ZNF316: variants seen among roughly 807,000 people sequenced by gnomAD.
The protein encoded by ZNF316 is zinc finger protein 316.
ZNF316 carries 23 observed loss-of-function variants against 75.6 expected under a neutral mutation model. That is an observed-to-expected ratio of 0.30 (90% CI 0.22 to 0.43). The LOEUF is 0.43. Ranked by LOEUF, ZNF316 falls within the 20% of genes least tolerant of loss-of-function variation. ZNF316 has a pLI of 1.00. For missense variants in ZNF316, 1,266 were observed against 1,409.4 expected, an observed-to-expected ratio of 0.90 and a Z score of 1.63; for synonymous variants, 827 against 666.2, an observed-to-expected ratio of 1.24 and a Z score of -3.72.
intron 8 of ZNF316, among the ~76,000 whole-genome samples, chr7:6,649,189 G>A (rs1383343689): frequency 1.3e-5 from 2 of 152,152 alleles, no homozygotes; most frequent in Non-Finnish European, 2.9e-5. Flanking sequence ...TTTTATCACT[G>A]AGCCCTTGTG....
At chr7:6,644,426 G>A in intron 7 of ZNF316, 54 bp from the exon 8 acceptor site, 2 of 1,007,090 alleles carry the variant, frequency 2.0e-6, no homozygotes, top group Non-Finnish European at 2.6e-6. Flanking sequence ...CGGGCTGCAG[G>A]GCAGGGGAGG....
rs901949621 is a variant in ZNF316, at chr7:6,653,200, C to T, written c.1604C>T (p.Pro535Leu). 1.6e-6 allele frequency: 2 copies of T among 1,219,740 alleles called. No individual in the cohort carries two copies. The highest frequency in any genetic ancestry group is 3.1e-5 in the African/African-American group (2 of 63,776). 75.6% of individuals were successfully genotyped at this position (1,219,740 alleles called of 1,614,324 possible). A position where few individuals can be genotyped will look rare whatever the true frequency, so the allele number is the denominator to read the frequency against. Residue 535 changes from proline to leucine, a missense_variant, in exon 9 of 9, where the codon CCT (proline) becomes CTT (leucine). Coordinates refer to ENST00000382252, the MANE Select transcript of ZNF316 (RefSeq NM_001278559.2). ...AAAAGPEDTDPGPEGSEVGEA... is the reference protein window; with the variant it reads ...AAAAGPEDTDLGPEGSEVGEA... ...GCCGCGGGGCCCGAGGACACGGACC[C>T]TGGGCCAGAGGGATCTGAAGTTGGC...
intron 2 of ZNF316, 69 bp from the exon 3 acceptor site, chr7:6,638,973 T>C (rs760703908): frequency 6.6e-6 from 1 of 152,238 alleles, no homozygotes. Flanking sequence ...CTGAGGTCCG[T>C]TTTTCAAACC....
Position 6,653,208 on chromosome 7 carries a change from G to A in ZNF316, c.1612G>A (p.Glu538Lys), listed in dbSNP as rs1427312373. The change falls in exon 9 of 9, where the codon GAG (glutamate) becomes AAG (lysine). Residue 538 changes from glutamate to lysine, a missense_variant. Transcript: ENST00000382252. The stretch of plus-strand genomic sequence containing the variant: ...GCCCGAGGACACGGACCCTGGGCCA[G>A]AGGGATCTGAAGTTGGCGAGGCGGA... ...AGPEDTDPGP[E>K]GSEVGEADGE... is the part of the protein sequence containing the mutation. 1.6e-6 allele frequency: 2 copies of A among 1,221,598 alleles called. No individual in the cohort carries two copies. The highest frequency in any genetic ancestry group is 3.2e-5 in the East Asian group (1 of 30,996). 75.7% of individuals were successfully genotyped at this position (1,221,598 alleles called of 1,614,324 possible).
rs1190826662 is a variant in ZNF316, at chr7:6,653,086, G to A, written c.1490G>A (p.Arg497His). 3 of 1,198,314 alleles carry A rather than the reference G, an allele frequency of 2.5e-6. No individual in the cohort carries two copies. Among genetic ancestry groups the A allele is most frequent in the African/African-American group, 1.6e-5 (1 of 62,848 alleles). 74.2% of individuals were successfully genotyped at this position (1,198,314 alleles called of 1,614,324 possible). ...CPDCGQAFRL[R>H]ADFQRHRRGG... ...GACTGCGGCCAGGCCTTCCGCCTGC[G>A]CGCCGACTTCCAGCGCCACCGACGC... Residue 497 changes from arginine (R) to histidine (H), a missense_variant, in exon 9 of 9, where the codon CGC becomes CAC. Around this residue, in one of 3 missense-constraint regions of ZNF316, gnomAD observed 961 missense variants for 990.9 expected, o/e 0.97. Transcript: ENST00000382252.
intron 8 of ZNF316, among the ~76,000 whole-genome samples, chr7:6,645,361 AT>A (rs927654158): frequency 2.0e-5 from 3 of 152,106 alleles, no homozygotes; most frequent in African/African-American, 7.2e-5. Context: ...CAATGGGTAG[AT>A]TTGGAGCACC....
chr7:6,652,817 C>G lies in ZNF316; in HGVS notation c.1221C>G (p.Gly407=), dbSNP rs1473864873. The G allele has an allele frequency of 7.9e-7, 1 of 1,265,282 alleles. No individual in the cohort carries two copies. The highest frequency in any genetic ancestry group is 3.0e-5 in the East Asian group (1 of 33,070). The allele number at this position is 1,265,282 out of a possible 1,614,324, so 78.4% of individuals were successfully genotyped here. ...GEKPFPCPDC[G]KRFVYKSHLV... ...AGCCCTTCCCGTGCCCGGACTGCGGCAAGCGCTTCGTCTACAAGTCGCACC... is the reference window on the plus strand; with the variant it reads ...AGCCCTTCCCGTGCCCGGACTGCGGGAAGCGCTTCGTCTACAAGTCGCACC... Residue 407 remains glycine, a synonymous_variant, in exon 9 of 9, where the codon GGC becomes GGG. Coordinates refer to ENST00000382252, the MANE Select transcript of ZNF316 (RefSeq NM_001278559.2).
In ZNF316 at chr7:6,652,876, G is replaced by C; in HGVS notation, c.1280G>C (p.Arg427Pro). 8.1e-7 allele frequency: 1 copy of C among 1,242,202 alleles called. No homozygotes were observed. Among genetic ancestry groups the C allele is most frequent in the Non-Finnish European group, 1.0e-6 (1 of 992,582 alleles). 76.9% of individuals were successfully genotyped at this position (1,242,202 alleles called of 1,614,324 possible). A position where few individuals can be genotyped will look rare whatever the true frequency, so the allele number is the denominator to read the frequency against. ...CACCGACGCATCCATACTGGCGAGC[G>C]GCCCTACCGCTGCGCCTTCTGCGGC... The part of the protein sequence containing the change: ...VTHRRIHTGE[R>P]PYRCAFCGAG... Residue 427 changes from arginine (R) to proline (P), a missense_variant, in exon 9 of 9, where the codon CGG (arginine) becomes CCG (proline). Arg to Pro is a moderately radical substitution (Grantham distance 103, BLOSUM62 -2). Transcript: ENST00000382252.
chr7:6,642,408 G>T lies in ZNF316; in HGVS notation c.-2G>T. 1 of 1,232,192 alleles carries T rather than the reference G, an allele frequency of 8.1e-7. No individual in the cohort carries two copies. Among genetic ancestry groups the T allele is most frequent in the South Asian group, 4.1e-5 (1 of 24,250 alleles). 76.3% of individuals were successfully genotyped at this position (1,232,192 alleles called of 1,614,324 possible). ...CCACGTGGAGGCTCGCTCCCAGGGA[G>T]GATGGCGGCGCTCCACACGACTCCC... On this transcript the variant is annotated 5_prime_UTR_variant, in exon 5 of 9. In the 5' UTR this introduces an upstream ATG that the reference lacks. Coordinates refer to ENST00000382252, the MANE Select transcript of ZNF316 (RefSeq NM_001278559.2). This position sits in a 1 kb window ranked among gnomAD's most constrained non-coding sequence, Gnocchi z 8.1.
At position 6,654,566 on chromosome 7, in the gene ZNF316, C is replaced by T. The variant is rs1384366903; in HGVS notation, c.2970C>T (p.Ala990=). The part of the protein sequence containing the change: ...GGTSFGSEHQ[A]AFAGPSGAYR... ...CAAGCTTCGGCTCCGAGCACCAGGCCGCGTTCGCCGGGCCCTCGGGCGCCT... is the reference window on the plus strand; with the variant it reads ...CAAGCTTCGGCTCCGAGCACCAGGCTGCGTTCGCCGGGCCCTCGGGCGCCT... The change falls in exon 9 of 9, where the codon GCC becomes GCT. Residue 990 remains alanine, a synonymous_variant. Transcript: ENST00000382252. 1.7e-6 allele frequency: 2 copies of T among 1,187,774 alleles called. No homozygotes were observed. Among genetic ancestry groups the T allele is most frequent in the East Asian group, 7.4e-5 (2 of 27,152 alleles). 73.6% of individuals were successfully genotyped at this position (1,187,774 alleles called of 1,614,324 possible). A position where few individuals can be genotyped will look rare whatever the true frequency, so the allele number is the denominator to read the frequency against.
rs1779321237 is a variant in ZNF316, at chr7:6,642,158, C to T, written c.-29+196C>T. On this transcript the variant is annotated intron_variant, in intron 4 of 8. Transcript: ENST00000382252. The surrounding 1 kb of genome is among the most constrained non-coding windows in gnomAD (Gnocchi z 8.1). ...GCTGAGACTGGCATCCCAGGGGTCA[C>T]GCGGAGGGGCCATTGGGGCAGCCTT... 5.4e-6 allele frequency: 2 copies of T among 370,936 alleles called. No individual in the cohort carries two copies. The highest frequency in any genetic ancestry group is 4.8e-6 in the Non-Finnish European group (1 of 208,292). 23.0% of individuals were successfully genotyped at this position (370,936 alleles called of 1,614,324 possible).
At chr7:6,648,483 G>T (rs377098278) in intron 8 of ZNF316, among the ~76,000 whole-genome samples, 2 of 152,190 alleles carry the variant, frequency 1.3e-5, no homozygotes, top group African/African-American at 2.4e-5. Flanking sequence ...TGGCAGCAGC[G>T]CCACCTGACC....
In ZNF316 at chr7:6,655,256, G is replaced by A. The variant is rs1204515079; in HGVS notation, c.*645G>A. On this transcript the variant is annotated 3_prime_UTR_variant, in exon 9 of 9. Transcript: ENST00000382252. ...TTGTATGGCCTGAAGAATCTAGGAG[G>A]AGAAAAAGCCAGATACCAAACTTAC... 2.0e-5 allele frequency: 3 copies of A among 152,164 alleles called. No homozygotes were observed. The highest frequency in any genetic ancestry group is 2.0e-4 in the East Asian group (1 of 5,124). 9.4% of individuals were successfully genotyped at this position (152,164 alleles called of 1,614,324 possible). A position where few individuals can be genotyped will look rare whatever the true frequency, so the allele number is the denominator to read the frequency against.
intron 8 of ZNF316, 123 bp from the exon 9 acceptor site, chr7:6,652,180 C>T (rs948433132): frequency 4.3e-6 from 4 of 930,612 alleles, no homozygotes; most frequent in South Asian, 5.6e-5. Flanking sequence ...GTGCCCCGTC[C>T]GACTGAAGGA....
chr7:6,645,832 A>G (rs1346500100), intron 8 of ZNF316, among the ~76,000 whole-genome samples: 1 of 150,598 alleles, frequency 6.6e-6, no homozygotes, highest in East Asian at 1.9e-4. Flanking sequence ...CATCTCTACT[A>G]AAAATACAAA....
Position 6,637,547 on chromosome 7 carries a change from G to C in ZNF316, c.-431+100G>C. 1 of 147,322 alleles carries C rather than the reference G, an allele frequency of 6.8e-6. No homozygotes were observed. The highest frequency in any genetic ancestry group is 2.4e-5 in the African/African-American group (1 of 40,914). The allele number at this position is 147,322 out of a possible 1,614,324, so 9.1% of individuals were successfully genotyped here. On this transcript the variant is annotated intron_variant, in intron 1 of 8. Transcript: ENST00000382252. This position sits in a 1 kb window ranked among gnomAD's most constrained non-coding sequence, Gnocchi z 6.2. ...GCGGCGGCGGCGGCGGGGCCGGGCT[G>C]GCCCTCGACGCCCGGCGCGGGGAGG...
chr7:6,643,734 C>A, intron 6 of ZNF316, 88 bp from the exon 7 acceptor site: 1 of 1,162,338 alleles, frequency 8.6e-7, no homozygotes, highest in Non-Finnish European at 1.1e-6. Flanking sequence ...CCCTGACACC[C>A]ATGCTGGAGA....
In ZNF316 at chr7:6,649,976, C is replaced by G. The variant is rs550898315; in HGVS notation, c.707-2327C>G. Reference sequence around the variant, plus strand: ...TGAGACTTCTGTGGGCAAGGCCGCCCTTGGCCTGGGAGTCCAGTTCTTTGA... The same window carrying G: ...TGAGACTTCTGTGGGCAAGGCCGCCGTTGGCCTGGGAGTCCAGTTCTTTGA... On this transcript the variant is annotated intron_variant, in intron 8 of 8. Coordinates refer to ENST00000382252, the MANE Select transcript of ZNF316 (RefSeq NM_001278559.2). 2.0e-4 allele frequency among the ~76,000 whole-genome samples: 31 copies of G among 152,310 alleles called. No individual in the cohort carries two copies. The East Asian group carries it at 5.8e-3, about 28-fold the overall frequency.
chr7:6,642,529 G>A lies in ZNF316; in HGVS notation c.120G>A (p.Glu40=). The change falls in exon 5 of 9, where the codon GAG becomes GAA. Residue 40 remains glutamate, a synonymous_variant. Transcript: ENST00000382252. This position sits in a 1 kb window ranked among gnomAD's most constrained non-coding sequence, Gnocchi z 8.1. Reference sequence around the variant, plus strand: ...AGGAGGAGGAGGAAAAGGGGGAAGAGGTGCAGGAGGTGGAAGAAGAGGAGG... The same window carrying A: ...AGGAGGAGGAGGAAAAGGGGGAAGAAGTGCAGGAGGTGGAAGAAGAGGAGG... ...EEEEEEEKGE[E]VQEVEEEEEE... 8.1e-7 allele frequency: 1 copy of A among 1,230,370 alleles called. No homozygotes were observed. The highest frequency in any genetic ancestry group is 1.0e-6 in the Non-Finnish European group (1 of 985,526). The allele number at this position is 1,230,370 out of a possible 1,614,324, so 76.2% of individuals were successfully genotyped here. A position where few individuals can be genotyped will look rare whatever the true frequency, so the allele number is the denominator to read the frequency against.
Sources: allele counts gnomAD v4.1 joint callset (sites outside exome capture counted in the v4.1 genomes callset), GRCh38; gene constraint gnomAD v4.1.1; regional missense constraint gnomAD v4.1.1; non-coding constraint Gnocchi (gnomAD v3.1); transcripts MANE v1.5; gene names NCBI Gene and HGNC (gene_info 2026-07-23, HGNC 2026-07-21).